Variants in SVIL observed in about 807,000 individuals in gnomAD.
SVIL encodes the protein archvillin.
A neutral mutation model predicts 240.4 loss-of-function variants in SVIL; 101 were observed. The ratio of observed to expected loss-of-function variants is 0.42; its 90% CI spans 0.36 to 0.50. The LOEUF is 0.50. Among genes scored for constraint, SVIL ranks in the 20% least tolerant of loss-of-function variants. The probability of loss-of-function intolerance (pLI) is 0.01; values close to 1 mark genes in which losing one functional copy is unlikely to be tolerated. For missense variants in SVIL, 2,512 were observed against 2,818.7 expected (o/e 0.89, Z 2.46); for synonymous variants, 999 against 1,100.0 (o/e 0.91, Z 1.82).
At position 29,696,648 on chromosome 10, in the gene SVIL, C is replaced by G. The variant is rs1407103277; in HGVS notation, c.-399-9997G>C. Among the ~76,000 whole-genome samples, 3 of 151,432 alleles carry G rather than the reference C, an allele frequency of 2.0e-5. No homozygotes were observed. The East Asian group carries it at 6.1e-4, about 31-fold the overall frequency. On this transcript the variant is annotated intron_variant, in intron 1 of 35. Coordinates refer to the SVIL transcript ENST00000375400. ...GAGCGCCTCGGCCCGGCCGCGACCC[C>G]GTTTGGGAGGTGAGGAGTGTCTCTG...
intron 2 of SVIL, among the ~76,000 whole-genome samples, chr10:29,680,103 T>C (rs1029239024): frequency 5.3e-5 from 8 of 152,096 alleles, no homozygotes; most frequent in Admixed American, 3.9e-4. Flanking sequence ...GAGGATCTCT[T>C]AAGTCCAAGG....
intron 1 of SVIL, among the ~76,000 whole-genome samples, chr10:29,589,396 C>T (rs893820624): frequency 6.6e-6 from 1 of 152,214 alleles, no homozygotes; most frequent in African/African-American, 2.4e-5. Context: ...TCTGGGCCCC[C>T]TGTAAACCCC....
intron 5 of SVIL, among the ~76,000 whole-genome samples, chr10:29,552,128 A>C (rs1399984603): frequency 6.0e-5 from 4 of 66,478 alleles, no homozygotes; most frequent in African/African-American, 2.9e-4. Context: ...AAAAAACAAA[A>C]CAAAAAAAAA....
chr10:29,556,561 T>G (rs1953955339), intron 3 of SVIL, among the ~76,000 whole-genome samples: 2 of 152,212 alleles, frequency 1.3e-5, no homozygotes, highest in African/African-American at 4.8e-5. Context: ...TTGAATTGGC[T>G]TTTGTTGAGA....
intron 3 of SVIL, among the ~76,000 whole-genome samples, chr10:29,562,760 CA>C (rs1954607632): frequency 3.3e-5 from 2 of 61,498 alleles, no homozygotes; most frequent in Non-Finnish European, 6.1e-5. Flanking sequence ...GACTCCGTCT[CA>C]AAAAAAAGAA....
rs1251798967 is a variant in SVIL at position 29,554,947 on chromosome 10, C to A, written c.9-13G>T. ...AATTCTTTCTTTTCTGTGAAATACA[C>A]CACAAGAGGCAGAGTGAGCAACAGC... is the stretch of plus-strand genomic sequence containing the variant. On this transcript the variant is annotated splice_polypyrimidine_tract_variant and intron_variant, in intron 4 of 37. Coordinates refer to ENST00000355867, the MANE Select transcript of SVIL (RefSeq NM_021738.3). 6.2e-7 allele frequency: 1 copy of A among 1,610,288 alleles called. No individual in the cohort carries two copies. The highest frequency in any genetic ancestry group is 1.3e-5 in the African/African-American group (1 of 74,708).
intron 3 of SVIL, among the ~76,000 whole-genome samples, chr10:29,644,270 A>C (rs374153029): frequency 7.9e-5 from 12 of 152,290 alleles, no homozygotes; most frequent in African/African-American, 2.2e-4. Context: ...CTGATTCCAA[A>C]TACCAAGAGG....
intron 1 of SVIL, among the ~76,000 whole-genome samples, chr10:29,709,357 T>C (rs552760886): frequency 2.0e-5 from 3 of 152,274 alleles, no homozygotes; most frequent in African/African-American, 7.2e-5. Context: ...TTCAAATGTT[T>C]GAATTAGGGA....
chr10:29,511,613 G>C (rs1037488728), intron 17 of SVIL, among the ~76,000 whole-genome samples: 5 of 152,192 alleles, frequency 3.3e-5, no homozygotes, highest in African/African-American at 1.2e-4. Flanking sequence ...ATTTCACACG[G>C]TGTGTGAAAA....
At chr10:29,694,847 ACGCTATAAG>A (rs1961802152) in intron 1 of SVIL, among the ~76,000 whole-genome samples, 11 of 152,230 alleles carry the variant, frequency 7.2e-5, no homozygotes, top group Admixed American at 7.2e-4. Flanking sequence ...AGAGATTCAT[ACGCTATAAG>A]CCGTTGGACC....
At chr10:29,703,595 G>C (rs1022864903) in intron 1 of SVIL, among the ~76,000 whole-genome samples, 1 of 152,236 alleles carries the variant, frequency 6.6e-6, no homozygotes, top group Non-Finnish European at 1.5e-5. Flanking sequence ...GGGGCCAGCA[G>C]ACTCGTGGAA....
At chr10:29,736,133 TC>T (rs1964890327), upstream of SVIL, among the ~76,000 whole-genome samples, 2 of 151,808 alleles carry the variant, frequency 1.3e-5, no homozygotes, top group South Asian at 4.2e-4. Context: ...GGGACGACTC[TC>T]GGGGGAAGCA....
intron 1 of SVIL, among the ~76,000 whole-genome samples, chr10:29,584,750 C>T (rs1347813672): frequency 6.6e-6 from 1 of 152,168 alleles, no homozygotes; most frequent in African/African-American, 2.4e-5. Flanking sequence ...CCAGCCAGGG[C>T]ATTCTGAGGT....
At chr10:29,594,146 T>C (rs887615867) in intron 1 of SVIL, among the ~76,000 whole-genome samples, 3 of 152,188 alleles carry the variant, frequency 2.0e-5, no homozygotes, top group East Asian at 1.9e-4. Flanking sequence ...TAAAATGTTA[T>C]GTAAAATAAA....
rs1159416749 is a variant in SVIL at position 29,491,558 on chromosome 10, T to C, written c.4020-539A>G. ...TTAACGCACTGCCTCCTCTGAAAAA[T>C]AACCACTTTTTGGAAGACTATATTG... is the stretch of plus-strand genomic sequence containing the variant. On this transcript the variant is annotated intron_variant, in intron 21 of 37. Transcript: ENST00000355867. Among the ~76,000 whole-genome samples the C allele has an allele frequency of 5.3e-5, 8 of 152,190 alleles. 1 individual carries two copies. In the Middle Eastern group the frequency reaches 0.01, roughly 194 times the overall value.
At chr10:29,520,853 C>T (rs1950514439) in intron 16 of SVIL, among the ~76,000 whole-genome samples, 1 of 149,284 alleles carries the variant, frequency 6.7e-6, no homozygotes, top group Admixed American at 6.7e-5. Flanking sequence ...GAGTTCGAGG[C>T]TGCAGTGAAG....
intron 1 of SVIL, among the ~76,000 whole-genome samples, chr10:29,721,193 A>G (rs754717147): frequency 5.3e-5 from 8 of 152,130 alleles, no homozygotes; most frequent in Non-Finnish European, 7.4e-5. Flanking sequence ...AAACAAAGAC[A>G]TATAGCTAAT....
chr10:29,693,940 T>TATACATAC lies in SVIL; in HGVS notation c.-399-7297_-399-7290dup, dbSNP rs56135685. ...ATTGAGATAGATAGATAGATACATA[T>TATACATAC]ATACATACATACATACATACATAGA... On this transcript the variant is annotated intron_variant, in intron 1 of 35. Coordinates refer to the SVIL transcript ENST00000375400. Among the ~76,000 whole-genome samples the TATACATAC allele has an allele frequency of 7.1e-3, 1,072 of 151,756 alleles. 6 individuals are homozygous for TATACATAC. Among genetic ancestry groups the TATACATAC allele is most frequent in the Admixed American group, 0.012 (183 of 15,220 alleles).
chr10:29,728,195 T>A (rs1378818638), intron 1 of SVIL, among the ~76,000 whole-genome samples: 1 of 152,014 alleles, frequency 6.6e-6, no homozygotes, highest in Non-Finnish European at 1.5e-5. Context: ...TCCAGAAATA[T>A]GATTTGAAAA....
Sources: allele counts gnomAD v4.1 joint callset (sites outside exome capture counted in the v4.1 genomes callset), GRCh38; gene constraint gnomAD v4.1.1; transcripts MANE v1.5; gene names NCBI Gene and HGNC (gene_info 2026-07-23, HGNC 2026-07-21).